LARS1: variants seen among roughly 807,000 people sequenced by gnomAD.
LARS1 encodes the protein leucine--tRNA ligase, cytoplasmic.
Under a neutral mutation model 162.8 loss-of-function variants are expected in LARS1, and 100 were observed. That is an observed-to-expected ratio of 0.61 (90% confidence interval 0.52 to 0.73). The LOEUF (loss-of-function observed/expected upper bound fraction) is 0.73. LARS1 is among the 30% of genes least tolerant of loss of function. The pLI, the probability that LARS1 is intolerant of heterozygous loss-of-function variation, is 0.00. For synonymous variants in LARS1, 457 were observed against 462.8 expected (o/e 0.99, Z 0.16); for missense variants, 1,258 against 1,408.9 (o/e 0.89, Z 1.71).
chr5:146,146,818 A>C (rs1251873934), intron 15 of LARS1, among the ~76,000 whole-genome samples: 1 of 151,624 alleles, frequency 6.6e-6, no homozygotes, highest in East Asian at 1.9e-4. Flanking sequence ...GGTTCAAGCG[A>C]TTCTCATGCC....
rs534572036 is a variant in LARS1 at position 146,142,195 on chromosome 5, G to A, written c.2090+677C>T. Among the ~76,000 whole-genome samples, 5 of 152,124 alleles carry A rather than the reference G, an allele frequency of 3.3e-5. No individual in the cohort carries two copies. In the South Asian group the frequency reaches 1.0e-3, roughly 32 times the overall value. ...AAAAAATATTCGGGAGGCTGAGACA[G>A]GAGAATTGCTTGAACCTTAGAGGCA... On this transcript the variant is annotated intron_variant, in intron 20 of 31. Transcript: ENST00000394434.
At chr5:146,155,814 C>T (rs201640590) in intron 10 of LARS1, among the ~76,000 whole-genome samples, 2 of 152,302 alleles carry the variant, frequency 1.3e-5, no homozygotes, top group Admixed American at 1.3e-4. Context: ...ACATGTATGT[C>T]CCTAATACTG....
chr5:146,132,834 A>T, intron 23 of LARS1, 64 bp downstream of exon 23: 1 of 1,287,042 alleles, frequency 7.8e-7, no homozygotes, highest in Non-Finnish European at 1.1e-6. Context: ...AAAGAAAAAG[A>T]AAACAAAAAT....
chr5:146,140,894 T>C (rs1385706696), intron 20 of LARS1, among the ~76,000 whole-genome samples: 1 of 152,114 alleles, frequency 6.6e-6, no homozygotes, highest in Non-Finnish European at 1.5e-5. Flanking sequence ...CACATATATA[T>C]ACACATATAT....
At chr5:146,163,451 T>A (rs781076966) in intron 6 of LARS1, among the ~76,000 whole-genome samples, 3 of 152,172 alleles carry the variant, frequency 2.0e-5, no homozygotes, top group Non-Finnish European at 2.9e-5. Flanking sequence ...TTTGGGAGGC[T>A]GAGATGGGCA....
At chr5:146,163,816 G>C (rs1226774542) in intron 6 of LARS1, among the ~76,000 whole-genome samples, 3 of 152,120 alleles carry the variant, frequency 2.0e-5, no homozygotes, top group African/African-American at 7.2e-5. Flanking sequence ...ATCATTTCTA[G>C]CTTTTTACTT....
In LARS1 at chr5:146,144,460, C is replaced by T; in HGVS notation, c.1655+12G>A. 1 of 1,609,886 alleles carries T rather than the reference C, an allele frequency of 6.2e-7. No individual in the cohort carries two copies. The highest frequency in any genetic ancestry group is 8.5e-7 in the Non-Finnish European group (1 of 1,178,550). On this transcript the variant is annotated intron_variant, in intron 17 of 31. Transcript: ENST00000394434. Reference sequence around the variant, plus strand: ...CTCCTTTTTCCTCCTTCATCACTTTCTCCCATCTTACGTTTCCAGGTTCTT... The same window carrying T: ...CTCCTTTTTCCTCCTTCATCACTTTTTCCCATCTTACGTTTCCAGGTTCTT...
At chr5:146,166,521 T>C (rs889702564) in intron 5 of LARS1, among the ~76,000 whole-genome samples, 29 of 151,840 alleles carry the variant, frequency 1.9e-4, no homozygotes, top group African/African-American at 5.8e-4. Flanking sequence ...ACCAGCAACA[T>C]AGTGAGACTC....
chr5:146,117,980 C>T (rs1751639004), intron 31 of LARS1, among the ~76,000 whole-genome samples: 1 of 152,114 alleles, frequency 6.6e-6, no homozygotes, highest in African/African-American at 2.4e-5. Flanking sequence ...AATAGAACTA[C>T]AATATGATCG....
intron 19 of LARS1, 70 bp from the exon 20 acceptor site, chr5:146,143,154 GA>G: frequency 1.2e-5 from 11 of 902,310 alleles, no homozygotes; most frequent in Non-Finnish European, 1.7e-5. Flanking sequence ...ATCAGTACCT[GA>G]ATCGAAACAT....
intron 25 of LARS1, among the ~76,000 whole-genome samples, 191 bp from the exon 26 acceptor site, chr5:146,129,309 G>C (rs543420939): frequency 2.1e-4 from 32 of 152,252 alleles, no homozygotes; most frequent in Admixed American, 2.1e-3. Flanking sequence ...TGTGAAGTCT[G>C]ACTCTACATT....
chr5:146,171,352 C>T (rs927601377), intron 4 of LARS1, among the ~76,000 whole-genome samples: 3 of 142,208 alleles, frequency 2.1e-5, no homozygotes, highest in African/African-American at 7.4e-5. Context: ...AGCAAAACTC[C>T]GTCTCAAAAA....
Position 146,182,488 on chromosome 5 carries a change from C to T in LARS1, c.6G>A (p.Ala2=). ...GCGGATTCTTCTCGCTCAAACTCAC[C>T]GCCATTGCACCGCCCAGCCGACTGT... M[A]ERKGTAKVDF... is the part of the protein sequence containing the mutation. Residue 2 remains alanine, a splice_region_variant and synonymous_variant, in exon 1 of 32, where the codon GCG becomes GCA. Coordinates refer to ENST00000394434, the MANE Select transcript of LARS1 (RefSeq NM_020117.11). 2.5e-6 allele frequency: 4 copies of T among 1,613,932 alleles called. No individual in the cohort carries two copies. Among genetic ancestry groups the T allele is most frequent in the Non-Finnish European group, 3.4e-6 (4 of 1,179,876 alleles).
intron 7 of LARS1, 36 bp downstream of exon 7, chr5:146,160,338 T>G (rs1243276613): frequency 8.1e-7 from 1 of 1,229,962 alleles, no homozygotes; most frequent in Non-Finnish European, 1.1e-6. Flanking sequence ...GCCCAACTGA[T>G]TTTTGCTTTA....
intron 22 of LARS1, 99 bp downstream of exon 22, chr5:146,135,502 G>T: frequency 2.3e-6 from 2 of 883,650 alleles, no homozygotes; most frequent in Non-Finnish European, 3.5e-6. Context: ...TTTGTTAAAA[G>T]CAAAACAGAA....
chr5:146,149,972 C>G (rs1467838729), intron 14 of LARS1, among the ~76,000 whole-genome samples: 3 of 152,170 alleles, frequency 2.0e-5, no homozygotes, highest in African/African-American at 7.2e-5. Context: ...ATACTCACTT[C>G]CACTTCTTAA....
In LARS1 at chr5:146,114,249, C is replaced by A; in HGVS notation, c.3388G>T (p.Val1130Phe). The change falls in exon 32 of 32, where the codon GTC (valine) becomes TTC (phenylalanine). Residue 1130 changes from valine to phenylalanine, a missense_variant. Coordinates refer to ENST00000394434, the MANE Select transcript of LARS1 (RefSeq NM_020117.11). ...TTCTCGGTGTACTCCTTTCCCAGGA[C>A]AGGAACTCGTCGAGGCCCCAACAGT... is the stretch of plus-strand genomic sequence containing the variant. ...DPLLGPRRVPVLGKEYTEKTP... is the reference protein window; with the variant it reads ...DPLLGPRRVPFLGKEYTEKTP... 6.2e-7 allele frequency: 1 copy of A among 1,613,850 alleles called. No homozygotes were observed. The highest frequency in any genetic ancestry group is 8.5e-7 in the Non-Finnish European group (1 of 1,179,960).
intron 12 of LARS1, 67 bp from the exon 13 acceptor site, chr5:146,153,294 A>C: frequency 8.8e-7 from 1 of 1,138,948 alleles, no homozygotes; most frequent in East Asian, 2.4e-5. Flanking sequence ...TGAGAGAAGC[A>C]ATCTCCAAAG....
chr5:146,168,680 G>A (rs1404809015), intron 4 of LARS1, among the ~76,000 whole-genome samples: 1 of 151,656 alleles, frequency 6.6e-6, no homozygotes, highest in East Asian at 1.9e-4. Flanking sequence ...GCAAGAATGA[G>A]TCCCATGTCT....
Sources: allele counts gnomAD v4.1 joint callset (sites outside exome capture counted in the v4.1 genomes callset), GRCh38; gene constraint gnomAD v4.1.1; transcripts MANE v1.5; gene names NCBI Gene and HGNC (gene_info 2026-07-23, HGNC 2026-07-21).